DGKI: variants seen among roughly 807,000 people sequenced by gnomAD.
The protein encoded by DGKI is DAG kinase iota.
Under a neutral mutation model 147.5 loss-of-function variants are expected in DGKI, and 55 were observed. The ratio of observed to expected loss-of-function variants is 0.37; its 90% CI spans 0.30 to 0.47. The LOEUF (loss-of-function observed/expected upper bound fraction) is 0.47. Ranked by LOEUF, DGKI falls within the 20% of genes least tolerant of loss-of-function variation. DGKI has a pLI of 1.00. For missense variants in DGKI, 1,007 were observed against 1,323.8 expected, an observed-to-expected ratio of 0.76 and a Z score of 3.71; for synonymous variants, 469 against 477.1, an observed-to-expected ratio of 0.98 and a Z score of 0.22.
intron 1 of DGKI, among the ~76,000 whole-genome samples, chr7:137,742,527 C>G (rs1470945519): frequency 3.3e-5 from 5 of 152,106 alleles, no homozygotes; most frequent in Non-Finnish European, 1.5e-5. Context: ...CCCACTCACT[C>G]CCACAGCCAC....
chr7:137,459,820 T>A (rs193155688), intron 27 of DGKI, among the ~76,000 whole-genome samples: 1 of 152,254 alleles, frequency 6.6e-6, no homozygotes, highest in Admixed American at 6.5e-5. Flanking sequence ...ATTCTCCTTG[T>A]CATTGATTTC....
intron 7 of DGKI, among the ~76,000 whole-genome samples, chr7:137,621,158 A>C (rs1271578623): frequency 6.6e-6 from 1 of 152,202 alleles, no homozygotes; most frequent in East Asian, 1.9e-4. Context: ...TGTATATAAA[A>C]TACTGGTAAA....
At chr7:137,418,986 A>T (rs1329725145) in intron 28 of DGKI, among the ~76,000 whole-genome samples, 1 of 152,210 alleles carries the variant, frequency 6.6e-6, no homozygotes, top group African/African-American at 2.4e-5. Flanking sequence ...TTCATAGATG[A>T]GGAAAGTAGG....
At chr7:137,595,483 G>A (rs1381671397) in intron 12 of DGKI, among the ~76,000 whole-genome samples, 1 of 152,162 alleles carries the variant, frequency 6.6e-6, no homozygotes, top group Non-Finnish European at 1.5e-5. Flanking sequence ...TTACTTGACA[G>A]AACAGACTGG....
At chr7:137,430,310 A>T (rs1813010355) in intron 28 of DGKI, among the ~76,000 whole-genome samples, 1 of 151,764 alleles carries the variant, frequency 6.6e-6, no homozygotes, top group African/African-American at 2.4e-5. Context: ...AAGGACAAAA[A>T]ACCAAACACC....
intron 1 of DGKI, among the ~76,000 whole-genome samples, chr7:137,778,807 G>C (rs1206099870): frequency 2.0e-5 from 3 of 152,094 alleles, no homozygotes; most frequent in African/African-American, 7.2e-5. Flanking sequence ...CTTAGGGGAA[G>C]GCAAAACTGC....
At chr7:137,392,997 G>A (rs567645980) in intron 32 of DGKI, among the ~76,000 whole-genome samples, 11 of 152,206 alleles carry the variant, frequency 7.2e-5, no homozygotes, top group Admixed American at 1.3e-4. Context: ...AGAATATAAC[G>A]TTGAGTGAAA....
intron 1 of DGKI, among the ~76,000 whole-genome samples, chr7:137,749,994 G>A (rs1795449568): frequency 6.6e-6 from 1 of 152,144 alleles, no homozygotes; most frequent in African/African-American, 2.4e-5. Flanking sequence ...AGTGCAAACA[G>A]GCAGAACATA....
intron 20 of DGKI, chr7:137,545,841 C>T: frequency 1.5e-6 from 1 of 680,076 alleles, no homozygotes; most frequent in Non-Finnish European, 2.7e-6. Flanking sequence ...ACAGGTAGTC[C>T]AACCCTGAGG....
chr7:137,595,630 T>A (rs532429831), intron 12 of DGKI, among the ~76,000 whole-genome samples: 1 of 152,268 alleles, frequency 6.6e-6, no homozygotes, highest in South Asian at 2.1e-4. Flanking sequence ...TCCCATACTT[T>A]CAAATATTCA....
At chr7:137,508,910 G>T (rs1420494259) in intron 21 of DGKI, among the ~76,000 whole-genome samples, 3 of 152,050 alleles carry the variant, frequency 2.0e-5, no homozygotes, top group Non-Finnish European at 4.4e-5. Flanking sequence ...TCCTGACATA[G>T]AACAATTATC....
At chr7:137,752,386 G>T (rs570673063) in intron 1 of DGKI, among the ~76,000 whole-genome samples, 1 of 152,226 alleles carries the variant, frequency 6.6e-6, no homozygotes, top group East Asian at 1.9e-4. Flanking sequence ...TCAGTTTTTT[G>T]GTTATAACTT....
chr7:137,403,661 A>C (rs1811844442), intron 30 of DGKI, among the ~76,000 whole-genome samples: 1 of 152,192 alleles, frequency 6.6e-6, no homozygotes, highest in South Asian at 2.1e-4. Flanking sequence ...CTATTACTAA[A>C]GGCATCCTTA....
intron 1 of DGKI, among the ~76,000 whole-genome samples, chr7:137,814,131 A>G (rs2117010399): frequency 6.6e-6 from 1 of 152,274 alleles, no homozygotes; most frequent in African/African-American, 2.4e-5. Context: ...ATGTGCAAGT[A>G]CAGTGATGGA....
intron 21 of DGKI, among the ~76,000 whole-genome samples, chr7:137,495,661 A>G (rs1299903946): frequency 1.3e-5 from 2 of 152,144 alleles, no homozygotes; most frequent in South Asian, 2.1e-4. Flanking sequence ...AACATACACG[A>G]ATCAATAAAT....
chr7:137,405,923 G>A (rs1038158646), intron 30 of DGKI, among the ~76,000 whole-genome samples: 2 of 152,132 alleles, frequency 1.3e-5, no homozygotes, highest in African/African-American at 4.8e-5. Flanking sequence ...CAAGTGAGAC[G>A]GTGGATACAG....
intron 8 of DGKI, among the ~76,000 whole-genome samples, chr7:137,618,545 T>C (rs1820630808): frequency 1.3e-5 from 2 of 152,004 alleles, no homozygotes; most frequent in African/African-American, 4.8e-5. Flanking sequence ...GCCTTCCTGA[T>C]ACAATCGAGG....
At chr7:137,672,249 T>C (rs1274389236) in intron 3 of DGKI, among the ~76,000 whole-genome samples, 1 of 152,226 alleles carries the variant, frequency 6.6e-6, no homozygotes, top group African/African-American at 2.4e-5. Context: ...ACTTATAGAA[T>C]GGCTACTATA....
chr7:137,706,524 TATTTCATTTTATTTC>T (rs1794033919), intron 1 of DGKI, among the ~76,000 whole-genome samples: 2 of 143,450 alleles, frequency 1.4e-5, no homozygotes, highest in Non-Finnish European at 3.0e-5. Context: ...CATTTTATTT[TATTTCATTTTATTTC>T]ATTTTATTTA....
Sources: gnomAD v4.1 joint callset for allele counts (sites outside exome capture counted in the v4.1 genomes callset) on GRCh38, gnomAD v4.1.1 for gene constraint, MANE v1.5 for transcripts, NCBI Gene and HGNC (gene_info 2026-07-23, HGNC 2026-07-21) for gene names.